UBL3: variants seen among roughly 807,000 people sequenced by gnomAD.
The protein encoded by UBL3 is ubiquitin-like protein 3.
In UBL3, 6 loss-of-function variants were observed where a neutral mutation model predicts 18.4. The observed-to-expected ratio is 0.33, with a 90% CI of 0.18 to 0.64. The LOEUF is 0.64. UBL3 is among the 30% of genes least tolerant of loss of function. The pLI is 0.76. For synonymous variants in UBL3, 49 were observed against 46.6 expected (o/e 1.05, Z -0.21); for missense variants, 109 against 142.9 (o/e 0.76, Z 1.21).
intron 1 of UBL3, among the ~76,000 whole-genome samples, chr13:29,833,246 C>T (rs759959085): frequency 4.0e-5 from 6 of 150,666 alleles, no homozygotes; most frequent in Non-Finnish European, 7.4e-5. Flanking sequence ...AGGCGGACCG[C>T]AGTGGATGAC....
chr13:29,830,860 A>G (rs1443780742), intron 1 of UBL3, among the ~76,000 whole-genome samples: 1 of 152,244 alleles, frequency 6.6e-6, no homozygotes, highest in Non-Finnish European at 1.5e-5. Context: ...TACAAGAATT[A>G]TATTAAAAAC....
intron 1 of UBL3, among the ~76,000 whole-genome samples, chr13:29,820,199 G>T (rs1878394500): frequency 7.5e-6 from 1 of 132,714 alleles, no homozygotes; most frequent in Non-Finnish European, 1.6e-5. Flanking sequence ...TTTTGAGATG[G>T]AGTCTTGCTC....
chr13:29,837,360 TA>T (rs549053920), intron 1 of UBL3, among the ~76,000 whole-genome samples: 2 of 151,534 alleles, frequency 1.3e-5, no homozygotes, highest in Admixed American at 6.6e-5. Flanking sequence ...AATTTTAGGA[TA>T]AAAAATACAA....
chr13:29,802,122 C>T (rs9550494), intron 1 of UBL3, among the ~76,000 whole-genome samples: 1 of 151,986 alleles, frequency 6.6e-6, no homozygotes, highest in Non-Finnish European at 1.5e-5. Context: ...AGTGGAGCAA[C>T]AGCCTACCTA....
chr13:29,775,262 T>C (rs1410610326), intron 2 of UBL3, among the ~76,000 whole-genome samples: 7 of 152,236 alleles, frequency 4.6e-5, no homozygotes. Context: ...ATTGTGTATA[T>C]GAGTTAAGAA....
intron 1 of UBL3, among the ~76,000 whole-genome samples, chr13:29,803,271 G>A (rs1877817606): frequency 6.6e-6 from 1 of 151,938 alleles, no homozygotes; most frequent in Admixed American, 6.6e-5. Context: ...TGCTAAATAT[G>A]GAAAGGAAAG....
At chr13:29,819,952 T>C (rs2139348310) in intron 1 of UBL3, among the ~76,000 whole-genome samples, 1 of 152,286 alleles carries the variant, frequency 6.6e-6, no homozygotes, top group Non-Finnish European at 1.5e-5. Flanking sequence ...TGTCAACCAT[T>C]TCAAAAACGT....
At chr13:29,835,150 ATATATATATATATATATATATATAT>A (rs1878920018) in intron 1 of UBL3, among the ~76,000 whole-genome samples, 1 of 26,522 alleles carries the variant, frequency 3.8e-5, no homozygotes, top group African/African-American at 1.6e-4. Flanking sequence ...ATATATATAT[ATATATATATATATATATATATATAT>A]ATATATATAT....
intron 1 of UBL3, among the ~76,000 whole-genome samples, chr13:29,836,215 G>A (rs184118441): frequency 4.6e-5 from 7 of 152,220 alleles, no homozygotes; most frequent in East Asian, 3.9e-4. Context: ...TCCAAGAGAC[G>A]TCTGACTTAA....
chr13:29,839,906 GAC>G (rs1879054651), intron 1 of UBL3, among the ~76,000 whole-genome samples: 1 of 146,868 alleles, frequency 6.8e-6, no homozygotes, highest in Non-Finnish European at 1.5e-5. Flanking sequence ...TAGCCTGGGC[GAC>G]AGAGTGAGAC....
At position 29,831,545 on chromosome 13, in the gene UBL3, G is replaced by A. The variant is rs149269405; in HGVS notation, c.27+17967C>T. ...GGAGGTTGCGGTGAGCCAAGATCGC[G>A]TCATTGTACTCCAGCCTGGGCAACA... On this transcript the variant is annotated intron_variant, in intron 1 of 4. Coordinates refer to ENST00000380680, the MANE Select transcript of UBL3 (RefSeq NM_007106.4). Among the ~76,000 whole-genome samples, 772 of 149,100 alleles carry A rather than the reference G, an allele frequency of 5.2e-3. 1 individual carries two copies. Among genetic ancestry groups the A allele is most frequent in the Non-Finnish European group, 7.4e-3 (503 of 67,612 alleles).
Position 29,849,861 on chromosome 13 carries a change from C to A in UBL3, c.-323G>T, listed in dbSNP as rs1396245988. ...CAGGTGGACCGAGCCGAGTGACACA[C>A]GGACATGGAGAGGGGTGGGAGGGGG... On this transcript the variant is annotated 5_prime_UTR_variant, in exon 1 of 5. Coordinates refer to ENST00000380680, the MANE Select transcript of UBL3 (RefSeq NM_007106.4). 7.9e-6 allele frequency: 4 copies of A among 509,292 alleles called. No homozygotes were observed. The highest frequency in any genetic ancestry group is 1.9e-5 in the African/African-American group (1 of 51,916). The allele number at this position is 509,292 out of a possible 1,614,324, so 31.5% of individuals were successfully genotyped here. A position where few individuals can be genotyped will look rare whatever the true frequency, so the allele number is the denominator to read the frequency against.
At chr13:29,835,607 T>C (rs1320374341) in intron 1 of UBL3, among the ~76,000 whole-genome samples, 2 of 151,278 alleles carry the variant, frequency 1.3e-5, no homozygotes, top group Admixed American at 1.3e-4. Context: ...ACACAATAAT[T>C]AGCTGGGTGC....
At position 29,767,126 on chromosome 13, in the gene UBL3, T is replaced by A; in HGVS notation, c.*129A>T. 1.3e-6 allele frequency: 1 copy of A among 781,510 alleles called. No individual in the cohort carries two copies. Among genetic ancestry groups the A allele is most frequent in the South Asian group, 2.3e-5 (1 of 42,962 alleles). The allele number at this position is 781,510 out of a possible 1,614,324, so 48.4% of individuals were successfully genotyped here. On this transcript the variant is annotated 3_prime_UTR_variant, in exon 5 of 5. Transcript: ENST00000380680. ...TCATGAGAAAAGATGACAGTGTTCA[T>A]GTGGTAATTCAGTTCCATGTGTTTA...
chr13:29,839,501 AAGG>A (rs1879040099), intron 1 of UBL3, among the ~76,000 whole-genome samples: 2 of 152,186 alleles, frequency 1.3e-5, no homozygotes. Context: ...AAACCCCACA[AAGG>A]AGCCAGGCAC....
At chr13:29,845,886 T>C (rs1447108849) in intron 1 of UBL3, among the ~76,000 whole-genome samples, 1 of 152,130 alleles carries the variant, frequency 6.6e-6, no homozygotes, top group East Asian at 1.9e-4. Flanking sequence ...ATTTCTCTCT[T>C]AAAGTTTTCA....
At chr13:29,784,318 A>G (rs1877251814) in intron 1 of UBL3, among the ~76,000 whole-genome samples, 1 of 152,182 alleles carries the variant, frequency 6.6e-6, no homozygotes, top group Non-Finnish European at 1.5e-5. Flanking sequence ...GCCCTTTAAA[A>G]AGGCTGTTTT....
chr13:29,773,455 CA>C (rs1017349949), intron 2 of UBL3, among the ~76,000 whole-genome samples: 2 of 152,128 alleles, frequency 1.3e-5, no homozygotes, highest in African/African-American at 4.8e-5. Flanking sequence ...TTGAATTCAT[CA>C]ATTCCAAAAT....
In UBL3 at chr13:29,799,525, A is replaced by G. The variant is rs542435431; in HGVS notation, c.28-22262T>C. Among the ~76,000 whole-genome samples, 21 of 152,330 alleles carry G rather than the reference A, an allele frequency of 1.4e-4. 1 individual carries two copies. Among genetic ancestry groups the G allele is most frequent in the African/African-American group, 5.1e-4 (21 of 41,558 alleles). On this transcript the variant is annotated intron_variant, in intron 1 of 4. Coordinates refer to ENST00000380680, the MANE Select transcript of UBL3 (RefSeq NM_007106.4). ...TAAATGCAATAAATTACATGATCAC[A>G]TATTATTTTCTTTGCTCCCATACAC... is the stretch of plus-strand genomic sequence containing the variant.
Sources: gnomAD v4.1 joint callset for allele counts (sites outside exome capture counted in the v4.1 genomes callset) on GRCh38, gnomAD v4.1.1 for gene constraint, MANE v1.5 for transcripts, NCBI Gene and HGNC (gene_info 2026-07-23, HGNC 2026-07-21) for gene names.